MAN1C1: variants seen among roughly 807,000 people sequenced by gnomAD.
The protein encoded by MAN1C1 is mannosidase alpha class 1C member 1.
Under a neutral mutation model 71.5 loss-of-function variants are expected in MAN1C1, and 49 were observed. That is an observed-to-expected ratio of 0.69 (90% confidence interval 0.54 to 0.87). The LOEUF (loss-of-function observed/expected upper bound fraction) is 0.87, where lower values mean the gene tolerates loss of function less well. Among genes scored for constraint, MAN1C1 ranks in the 40% least tolerant of loss-of-function variants. MAN1C1 has a pLI of 0.00. For synonymous variants in MAN1C1, 352 were observed against 343.7 expected (o/e 1.02, Z -0.27); for missense variants, 743 against 835.0 (o/e 0.89, Z 1.36).
chr1:25,745,382 C>T (rs1037345106), intron 2 of MAN1C1, among the ~76,000 whole-genome samples: 1 of 151,740 alleles, frequency 6.6e-6, no homozygotes, highest in Admixed American at 6.6e-5. Context: ...AGAAAGTAAC[C>T]CATGAGCTGA....
chr1:25,717,569 A>G (rs1438166880), intron 2 of MAN1C1, among the ~76,000 whole-genome samples: 1 of 135,610 alleles, frequency 7.4e-6, no homozygotes. Context: ...CAGATGTACC[A>G]TTTTCCTTTT....
intron 9 of MAN1C1, among the ~76,000 whole-genome samples, chr1:25,780,555 C>A (rs1017162109): frequency 6.6e-6 from 1 of 152,150 alleles, no homozygotes; most frequent in Admixed American, 6.5e-5. Flanking sequence ...CCCTCGGTTC[C>A]CCAGATGTGT....
intron 1 of MAN1C1, among the ~76,000 whole-genome samples, chr1:25,628,734 T>C (rs1182258241): frequency 6.6e-6 from 1 of 152,208 alleles, no homozygotes; most frequent in Non-Finnish European, 1.5e-5. Context: ...ACTCAGTATA[T>C]AGGATTTTTT....
chr1:25,770,931 G>A (rs531891219), intron 7 of MAN1C1, among the ~76,000 whole-genome samples: 51 of 152,284 alleles, frequency 3.3e-4, no homozygotes, highest in African/African-American at 1.2e-3. Flanking sequence ...CAAAGCCTGG[G>A]AGCGAAGTGT....
At chr1:25,768,268 T>TC (rs1557800501) in intron 7 of MAN1C1, among the ~76,000 whole-genome samples, 1 of 1,958 alleles carries the variant, frequency 5.1e-4, no homozygotes. Flanking sequence ...CTCACACACA[T>TC]CACATACATC....
intron 5 of MAN1C1, among the ~76,000 whole-genome samples, chr1:25,758,159 C>T (rs1162178454): frequency 6.6e-6 from 1 of 152,226 alleles, no homozygotes; most frequent in Non-Finnish European, 1.5e-5. Context: ...AATCACAGCA[C>T]TGTTTATCCT....
At position 25,783,652 on chromosome 1, in the gene MAN1C1, G is replaced by A. The variant is rs3767877; in HGVS notation, c.1767-11G>A. On this transcript the variant is annotated splice_polypyrimidine_tract_variant and intron_variant, in intron 11 of 11. Transcript: ENST00000374332. ...ACTGTGTCTTGCTTCCCTGCCCTGC[G>A]TGGGGCACAGGTATCTCTATCTTCT... is the stretch of plus-strand genomic sequence containing the variant. The A allele has an allele frequency of 0.63, 1,018,517 of 1,609,966 alleles. 323,973 individuals are homozygous for A. The highest frequency in any genetic ancestry group is 0.73 in the East Asian group (32,630 of 44,832).
At chr1:25,695,434 A>G (rs1478894614) in intron 2 of MAN1C1, among the ~76,000 whole-genome samples, 2 of 152,188 alleles carry the variant, frequency 1.3e-5, no homozygotes, top group Admixed American at 1.3e-4. Flanking sequence ...GCTGTTAGAC[A>G]GATGCTACGG....
Position 25,618,303 on chromosome 1 carries a change from G to A in MAN1C1, c.506G>A (p.Ser169Asn). Residue 169 changes from serine (S) to asparagine (N), a missense_variant, in exon 1 of 12, where the codon AGC becomes AAC. Ser to Asn is a conservative substitution (Grantham distance 46). Transcript: ENST00000374332. ...TRADESQEPQ[S>N]QVRAQREKIK... ...GCCGATGAGAGTCAGGAGCCCCAGA[G>A]CCAAGTGCGAGCCCAGCGGGAGAAA... 1 of 1,603,346 alleles carries A rather than the reference G, an allele frequency of 6.2e-7. No individual in the cohort carries two copies. The highest frequency in any genetic ancestry group is 8.5e-7 in the Non-Finnish European group (1 of 1,176,738).
chr1:25,717,228 TG>T (rs1336742951), intron 2 of MAN1C1, among the ~76,000 whole-genome samples: 5 of 152,198 alleles, frequency 3.3e-5, no homozygotes, highest in African/African-American at 1.2e-4. Context: ...AAGAATTTGC[TG>T]GTTGGGCACA....
At chr1:25,648,904 T>G (rs944577232) in intron 1 of MAN1C1, among the ~76,000 whole-genome samples, 14 of 152,216 alleles carry the variant, frequency 9.2e-5, no homozygotes, top group African/African-American at 3.4e-4. Context: ...GGAAGTTTTC[T>G]TTGAAAAGAA....
chr1:25,650,373 G>C (rs972481134), intron 1 of MAN1C1, among the ~76,000 whole-genome samples: 1 of 152,200 alleles, frequency 6.6e-6, no homozygotes, highest in Non-Finnish European at 1.5e-5. Context: ...CAGCAACTCC[G>C]TAGGGGTTCA....
intron 1 of MAN1C1, among the ~76,000 whole-genome samples, chr1:25,630,190 T>A (rs2045357979): frequency 6.6e-6 from 1 of 152,144 alleles, no homozygotes; most frequent in South Asian, 2.1e-4. Context: ...ATATGCTTCA[T>A]CAAAGATCCG....
chr1:25,646,389 G>C (rs1223790111), intron 1 of MAN1C1: 1 of 152,286 alleles, frequency 6.6e-6, no homozygotes, highest in East Asian at 1.9e-4. Context: ...GGAGCACTGA[G>C]GAACTGCATA....
intron 2 of MAN1C1, among the ~76,000 whole-genome samples, chr1:25,715,064 G>A (rs1190536040): frequency 6.6e-6 from 1 of 152,070 alleles, no homozygotes; most frequent in Non-Finnish European, 1.5e-5. Flanking sequence ...CTTCCCTGTG[G>A]CCTGTTTTCA....
At chr1:25,679,745 T>G (rs2982318) in intron 1 of MAN1C1, among the ~76,000 whole-genome samples, 14,411 of 151,848 alleles carry the variant, frequency 0.095, 940 homozygotes, top group African/African-American at 0.18. Context: ...ATGTATAATA[T>G]ATGTATACAC....
intron 1 of MAN1C1, among the ~76,000 whole-genome samples, chr1:25,660,316 A>G (rs145492589): frequency 0.02 from 3,028 of 149,974 alleles, 105 homozygotes; most frequent in African/African-American, 0.07. Flanking sequence ...CAGGAGAATC[A>G]CTTGAACTTG....
chr1:25,757,695 T>C (rs2047307615), intron 5 of MAN1C1, among the ~76,000 whole-genome samples: 1 of 152,210 alleles, frequency 6.6e-6, no homozygotes, highest in Non-Finnish European at 1.5e-5. Flanking sequence ...TGAGCGACAC[T>C]TGAACCTGCA....
rs181759659 is a variant in MAN1C1, at chr1:25,692,352, G to A, written c.637+5816G>A. 9.9e-5 allele frequency among the ~76,000 whole-genome samples: 15 copies of A among 152,274 alleles called. No individual in the cohort carries two copies. In the East Asian group the frequency reaches 1.9e-3, roughly 20 times the overall value. On this transcript the variant is annotated intron_variant, in intron 2 of 11. Coordinates refer to ENST00000374332, the MANE Select transcript of MAN1C1 (RefSeq NM_020379.4). ...AACCCATTCCTTGCACATACATTAT[G>A]CCAGGCACCATAGCTGTATTCACTC... is the stretch of plus-strand genomic sequence containing the variant.
Sources: allele counts gnomAD v4.1 joint callset (sites outside exome capture counted in the v4.1 genomes callset), GRCh38; gene constraint gnomAD v4.1.1; transcripts MANE v1.5; gene names NCBI Gene and HGNC (gene_info 2026-07-23, HGNC 2026-07-21).